The following FLNC variants were observed in gnomAD, a reference collection of about 807,000 sequenced individuals.
FLNC encodes the protein filamin-C.
Under a neutral mutation model 254.3 loss-of-function variants are expected in FLNC, and 91 were observed. The observed-to-expected ratio is 0.36, with a 90% CI of 0.30 to 0.43. The LOEUF (loss-of-function observed/expected upper bound fraction) is 0.43. Ranked by LOEUF, FLNC falls within the 20% of genes least tolerant of loss-of-function variation. FLNC has a pLI of 1.00. For missense variants in FLNC, 2,853 were observed against 3,802.6 expected (o/e 0.75, Z 6.57); for synonymous variants, 1,430 against 1,577.2 (o/e 0.91, Z 2.21).
At position 128,830,709 on chromosome 7, in the gene FLNC, G is replaced by A. The variant is rs1023054732; in HGVS notation, c.72G>A (p.Thr24=). 1.2e-6 allele frequency: 2 copies of A among 1,612,990 alleles called. No homozygotes were observed. The highest frequency in any genetic ancestry group is 2.7e-5 in the African/African-American group (2 of 75,058). The part of the protein sequence containing the change: ...LGDETDEMPS[T]EKDLAEDAPW... ...ATGAGACAGACGAGATGCCGTCCAC[G>A]GAGAAGGACCTGGCGGAGGACGCGC... The change falls in exon 1 of 48, where the codon ACG becomes ACA. Residue 24 remains threonine, a synonymous_variant. Transcript: ENST00000325888.
chr7:128,845,268 G>A lies in FLNC; in HGVS notation c.3790+13G>A. ...GTTGAGCCACACGGTGAGTGGACAG[G>A]AGGAGCCAAGAAAGGTCAAGTGGCA... On this transcript the variant is annotated intron_variant, in intron 21 of 47. Coordinates refer to ENST00000325888, the MANE Select transcript of FLNC (RefSeq NM_001458.5). 6.2e-7 allele frequency: 1 copy of A among 1,605,606 alleles called. No homozygotes were observed. Among genetic ancestry groups the A allele is most frequent in the South Asian group, 1.1e-5 (1 of 90,698 alleles).
In FLNC at chr7:128,838,304, G is replaced by A. The variant is rs758413304; in HGVS notation, c.1085G>A (p.Ser362Asn). The change falls in exon 7 of 48, where the codon AGT becomes AAT. Residue 362 changes from serine to asparagine, a missense_variant. Transcript: ENST00000325888. ...TTTGCTGGCCAGAACATTGAACGCA[G>A]TCCCTTTGAGGTGAACGTGGGCATG... Reference protein sequence around the residue: ...VLFAGQNIERSPFEVNVGMAL... With the variant: ...VLFAGQNIERNPFEVNVGMAL... The A allele has an allele frequency of 1.9e-6, 3 of 1,614,102 alleles. No homozygotes were observed. Among genetic ancestry groups the A allele is most frequent in the South Asian group, 2.2e-5 (2 of 91,088 alleles).
Position 128,841,337 on chromosome 7 carries a change from G to A in FLNC, c.1981G>A (p.Ala661Thr), listed in dbSNP as rs1480694554. Residue 661 changes from alanine to threonine, a missense_variant, in exon 12 of 48, where the codon GCC becomes ACC. By Grantham distance (58) the Ala-to-Thr change is moderately conservative. Transcript: ENST00000325888. The surrounding 1 kb of genome is among the most constrained non-coding windows in gnomAD (Gnocchi z 4.3). Reference protein sequence around the residue: ...DSPFIAHILPAPPDCFPDKVK... With the variant: ...DSPFIAHILPTPPDCFPDKVK... ...ACCCTTCATTGCCCACATCCTGCCC[G>A]CCCCACCTGACTGCTTCCCAGATAA... is the stretch of plus-strand genomic sequence containing the variant. 1.4e-5 allele frequency: 22 copies of A among 1,613,752 alleles called. No individual in the cohort carries two copies. Among genetic ancestry groups the A allele is most frequent in the African/African-American group, 2.7e-5 (2 of 74,872 alleles).
chr7:128,857,296 C>T lies in FLNC; in HGVS notation c.7740C>T (p.Pro2580=), dbSNP rs1405401300. ...TCATTGCCATCAAGTACGGTGGCCC[C>T]CAGCACATCGTGGGCAGCCCCTTCA... ...NYLIAIKYGG[P]QHIVGSPFKA... is the part of the protein sequence containing the mutation. Residue 2580 remains proline (P), a synonymous_variant, in exon 46 of 48, where the codon CCC becomes CCT. Coordinates refer to ENST00000325888, the MANE Select transcript of FLNC (RefSeq NM_001458.5). This position sits in a 1 kb window ranked among gnomAD's most constrained non-coding sequence, Gnocchi z 4.5. 13 of 1,613,754 alleles carry T rather than the reference C, an allele frequency of 8.1e-6. No individual in the cohort carries two copies. Among genetic ancestry groups the T allele is most frequent in the Non-Finnish European group, 1.0e-5 (12 of 1,179,876 alleles).
intron 20 of FLNC, among the ~76,000 whole-genome samples, 159 bp from the exon 21 acceptor site, chr7:128,844,499 T>C (rs1208491774): frequency 6.6e-6 from 1 of 152,130 alleles, no homozygotes; most frequent in African/African-American, 2.4e-5. Flanking sequence ...CTGGGGCAAA[T>C]TGCTTCATCT....
chr7:128,833,217 T>TTGC (rs1450398825), intron 1 of FLNC, among the ~76,000 whole-genome samples: 2 of 152,188 alleles, frequency 1.3e-5, no homozygotes, highest in African/African-American at 4.8e-5. Context: ...TGTTCCCCAG[T>TTGC]TGCTATTCCT....
Position 128,851,644 on chromosome 7 carries a change from GGGCAT to G in FLNC, c.5842+18_5842+22del. 1.2e-6 allele frequency: 2 copies of G among 1,613,168 alleles called. No homozygotes were observed. Among genetic ancestry groups the G allele is most frequent in the Non-Finnish European group, 1.7e-6 (2 of 1,179,660 alleles). Reference sequence around the variant, plus strand: ...AAGATCACAGGTGAGGCGGGTGTATGGGCATGTACAGCCCATGAGGCACACACACC... The same window carrying G: ...AAGATCACAGGTGAGGCGGGTGTATGGTACAGCCCATGAGGCACACACACC... On this transcript the variant is annotated intron_variant, in intron 35 of 47. Coordinates refer to ENST00000325888, the MANE Select transcript of FLNC (RefSeq NM_001458.5).
intron 1 of FLNC, among the ~76,000 whole-genome samples, chr7:128,832,614 C>T (rs1054264450): frequency 6.6e-6 from 1 of 152,236 alleles, no homozygotes; most frequent in Admixed American, 6.5e-5. Context: ...GGCTCCAGCC[C>T]CCTTGGCTCA....
chr7:128,854,401 C>T lies in FLNC; in HGVS notation c.6728-12C>T, dbSNP rs745775880. 20 of 1,608,082 alleles carry T rather than the reference C, an allele frequency of 1.2e-5. No individual in the cohort carries two copies. In the East Asian group the frequency reaches 4.3e-4, roughly 34 times the overall value. On this transcript the variant is annotated splice_polypyrimidine_tract_variant and intron_variant, in intron 40 of 47. Transcript: ENST00000325888. Reference sequence around the variant, plus strand: ...ATCCCAGTGTTGCCCTGACATCCCCCAAACCCTGCAGGTGAGGCCAGCTCT... The same window carrying T: ...ATCCCAGTGTTGCCCTGACATCCCCTAAACCCTGCAGGTGAGGCCAGCTCT...
Position 128,847,752 on chromosome 7 carries a change from C to T in FLNC, c.4344C>T (p.Cys1448=), listed in dbSNP as rs1458272858. The T allele has an allele frequency of 1.2e-6, 2 of 1,614,154 alleles. No individual in the cohort carries two copies. Among genetic ancestry groups the T allele is most frequent in the South Asian group, 2.2e-5 (2 of 91,092 alleles). ...TGGTGGACCCTGGGAAGGTGAAGTG[C>T]TCAGGGCCAGGGCTGGGGGCTGGTG... is the stretch of plus-strand genomic sequence containing the variant. ...KDVVDPGKVK[C]SGPGLGAGVR... Residue 1448 remains cysteine (C), a synonymous_variant, in exon 25 of 48, where the codon TGC becomes TGT. Transcript: ENST00000325888.
At chr7:128,850,624 G>C in intron 32 of FLNC, 141 bp downstream of exon 32, 1 of 1,217,922 alleles carries the variant, frequency 8.2e-7, no homozygotes, top group South Asian at 1.3e-5. Flanking sequence ...GTTGGGCAGA[G>C]CCAGAACTCA....
chr7:128,851,495 G>T lies in FLNC; in HGVS notation c.5709G>T (p.Glu1903Asp), dbSNP rs1279073825. 3.7e-6 allele frequency: 6 copies of T among 1,613,902 alleles called. No individual in the cohort carries two copies. The Admixed American group carries it at 1.0e-4, about 27-fold the overall frequency. The change falls in exon 35 of 48, where the codon GAG (glutamate) becomes GAT (aspartate). Residue 1903 changes from glutamate to aspartate, a missense_variant. Coordinates refer to ENST00000325888, the MANE Select transcript of FLNC (RefSeq NM_001458.5). The stretch of plus-strand genomic sequence containing the variant: ...CCGTGGAGGGCCCATCCAAGGCAGA[G>T]ATCACCTGTAAGGACAACAAGGATG... ...SLAVEGPSKA[E>D]ITCKDNKDGT...
chr7:128,856,524 G>A lies in FLNC; in HGVS notation c.7258G>A (p.Gly2420Arg), dbSNP rs1453649789. The A allele has an allele frequency of 1.2e-6, 2 of 1,612,256 alleles. No homozygotes were observed. The highest frequency in any genetic ancestry group is 2.2e-5 in the South Asian group (2 of 91,086). Residue 2420 changes from glycine (G) to arginine (R), a missense_variant, in exon 44 of 48, where the codon GGG (glycine) becomes AGG (arginine). Gly to Arg is a moderately radical substitution (Grantham distance 125). Around this residue, in one of 10 missense-constraint regions of FLNC, gnomAD observed 551 missense variants for 835.0 expected, o/e 0.66. Coordinates refer to ENST00000325888, the MANE Select transcript of FLNC (RefSeq NM_001458.5). This position sits in a 1 kb window ranked among gnomAD's most constrained non-coding sequence, Gnocchi z 5.9. ...RLTVTSLQET[G>R]LKVNQPASFA... ...TCCTCCGTGGCCTTTGCAGGAGACG[G>A]GGCTCAAGGTGAACCAGCCAGCGTC...
chr7:128,845,311 G>T, intron 21 of FLNC, 56 bp downstream of exon 21: 2 of 1,411,354 alleles, frequency 1.4e-6, no homozygotes. Flanking sequence ...GAGCTGGGTA[G>T]TCCGTGGGAG....
In FLNC at chr7:128,854,459, G is replaced by T; in HGVS notation, c.6774G>T (p.Ser2258=). ...TGACTGCACAGGTGACCAGCCCATCGGGCAAGGTGGAAGCCGCAGAGATCG... is the reference window on the plus strand; with the variant it reads ...TGACTGCACAGGTGACCAGCCCATCTGGCAAGGTGGAAGCCGCAGAGATCG... ...QDMTAQVTSP[S]GKVEAAEIVE... The change falls in exon 41 of 48, where the codon TCG becomes TCT. Residue 2258 remains serine, a synonymous_variant. Coordinates refer to ENST00000325888, the MANE Select transcript of FLNC (RefSeq NM_001458.5). 1 of 1,609,352 alleles carries T rather than the reference G, an allele frequency of 6.2e-7. No individual in the cohort carries two copies. The highest frequency in any genetic ancestry group is 1.1e-5 in the South Asian group (1 of 90,148).
rs1809091918 is a variant in FLNC at position 128,857,005 on chromosome 7, G to A, written c.7561+84G>A. 4.4e-6 allele frequency: 7 copies of A among 1,577,292 alleles called. No homozygotes were observed. Among genetic ancestry groups the A allele is most frequent in the Admixed American group, 3.3e-5 (2 of 59,930 alleles). Reference sequence around the variant, plus strand: ...GTGCTGCTTTGCTCCAGAGGTAGGGGCCCTGCTTCCTAAGCCAGGAGTCCC... The same window carrying A: ...GTGCTGCTTTGCTCCAGAGGTAGGGACCCTGCTTCCTAAGCCAGGAGTCCC... On this transcript the variant is annotated intron_variant, in intron 45 of 47. Coordinates refer to ENST00000325888, the MANE Select transcript of FLNC (RefSeq NM_001458.5). The surrounding 1 kb of genome is among the most constrained non-coding windows in gnomAD (Gnocchi z 4.5).
chr7:128,844,609 G>A (rs747108387), intron 20 of FLNC, 49 bp from the exon 21 acceptor site: 1 of 1,542,062 alleles, frequency 6.5e-7, no homozygotes, highest in South Asian at 1.1e-5. Flanking sequence ...ATGAAGGCTG[G>A]GATGAGGAGG....
At chr7:128,852,359 C>T (rs1372103368) in intron 35 of FLNC, among the ~76,000 whole-genome samples, 1 of 152,184 alleles carries the variant, frequency 6.6e-6, no homozygotes, top group Non-Finnish European at 1.5e-5. Flanking sequence ...GGGATTTAGC[C>T]CACAAGGACT....
intron 43 of FLNC, among the ~76,000 whole-genome samples, chr7:128,855,522 C>T (rs564254846): frequency 2.6e-4 from 39 of 152,378 alleles, no homozygotes; most frequent in African/African-American, 7.0e-4. Flanking sequence ...TGCCACGCCT[C>T]GTTCTGCCTT....
Sources: allele counts gnomAD v4.1 joint callset (sites outside exome capture counted in the v4.1 genomes callset), GRCh38; gene constraint gnomAD v4.1.1; regional missense constraint gnomAD v4.1.1; non-coding constraint Gnocchi (gnomAD v3.1); transcripts MANE v1.5; gene names NCBI Gene and HGNC (gene_info 2026-07-23, HGNC 2026-07-21).